The following UQCC2 variants were observed in gnomAD, a reference collection of about 807,000 sequenced individuals.
UQCC2 encodes the protein breast cancer-associated protein SGA-81M.
UQCC2 carries 21 observed loss-of-function variants against 19.9 expected under a neutral mutation model. The ratio of observed to expected loss-of-function variants is 1.05; its 90% CI spans 0.75 to 1.52. The LOEUF is 1.52. Ranked by LOEUF, UQCC2 falls within the 40% of genes most tolerant of loss-of-function variation. The pLI, the probability that UQCC2 is intolerant of heterozygous loss-of-function variation, is 0.00. For synonymous variants in UQCC2, 57 were observed against 60.9 expected, an observed-to-expected ratio of 0.94 and a Z score of 0.30; for missense variants, 135 against 157.5, an observed-to-expected ratio of 0.86 and a Z score of 0.76.
chr6:33,703,893 A>C (rs1373215141), intron 1 of UQCC2, among the ~76,000 whole-genome samples: 1 of 152,222 alleles, frequency 6.6e-6, no homozygotes, highest in African/African-American at 2.4e-5. Flanking sequence ...TAATCTATGG[A>C]AAAACAGGAT....
chr6:33,700,646 C>A (rs1014935158), intron 2 of UQCC2, 133 bp from the exon 3 acceptor site: 12 of 864,834 alleles, frequency 1.4e-5, no homozygotes, highest in Non-Finnish European at 2.1e-5. Context: ...AGCAGCGCCA[C>A]CTCGAGGTCA....
intron 1 of UQCC2, among the ~76,000 whole-genome samples, chr6:33,707,897 T>C (rs1174545225): frequency 6.6e-6 from 1 of 152,188 alleles, no homozygotes; most frequent in Non-Finnish European, 1.5e-5. Context: ...CACAATAGGA[T>C]ATGGGGTGTA....
At chr6:33,704,327 C>T (rs1168189725) in intron 1 of UQCC2, among the ~76,000 whole-genome samples, 1 of 152,138 alleles carries the variant, frequency 6.6e-6, no homozygotes, top group East Asian at 1.9e-4. Flanking sequence ...TGAGGATGGG[C>T]GCATGTACCG....
At position 33,711,416 on chromosome 6, in the gene UQCC2, AG is replaced by A. The variant is rs1765769227; in HGVS notation, c.138+132del. ...CTATCAGTAGCTCCCTGGGGGAAAA[AG>A]GGGGTCCGCGCTCACGTGCTGCCTG... On this transcript the variant is annotated intron_variant, in intron 1 of 3. Transcript: ENST00000607484. 5 of 1,301,940 alleles carry A rather than the reference AG, an allele frequency of 3.8e-6. No individual in the cohort carries two copies. In the African/African-American group the frequency reaches 6.1e-5, roughly 16 times the overall value. The allele number at this position is 1,301,940 out of a possible 1,614,324, so 80.6% of individuals were successfully genotyped here.
intron 1 of UQCC2, among the ~76,000 whole-genome samples, chr6:33,710,846 G>A (rs1480653350): frequency 1.3e-5 from 2 of 152,142 alleles, no homozygotes; most frequent in African/African-American, 2.4e-5. Context: ...GAGCTGCAGC[G>A]CCAACCTGGA....
At chr6:33,699,280 TC>T (rs1279992507) in intron 3 of UQCC2, among the ~76,000 whole-genome samples, 1 of 152,236 alleles carries the variant, frequency 6.6e-6, no homozygotes, top group African/African-American at 2.4e-5. Flanking sequence ...TCAGCAAATT[TC>T]CTGAACTAAA....
At chr6:33,707,040 T>C (rs1582183251) in intron 1 of UQCC2, among the ~76,000 whole-genome samples, 1 of 152,214 alleles carries the variant, frequency 6.6e-6, no homozygotes, top group South Asian at 2.1e-4. Flanking sequence ...CCAAACATCT[T>C]TGAATAAAGT....
intron 1 of UQCC2, among the ~76,000 whole-genome samples, chr6:33,710,009 C>T (rs1276190665): frequency 6.6e-6 from 1 of 152,200 alleles, no homozygotes; most frequent in Non-Finnish European, 1.5e-5. Flanking sequence ...TTCACCTATT[C>T]CTACCTCAGT....
intron 3 of UQCC2, among the ~76,000 whole-genome samples, chr6:33,699,472 G>C (rs978760900): frequency 3.9e-5 from 6 of 151,960 alleles, no homozygotes; most frequent in African/African-American, 1.5e-4. Context: ...AACTGTCCAG[G>C]GCCCTCACAA....
At chr6:33,699,444 A>T (rs1203471672) in intron 3 of UQCC2, among the ~76,000 whole-genome samples, 1 of 152,158 alleles carries the variant, frequency 6.6e-6, no homozygotes, top group Non-Finnish European at 1.5e-5. Flanking sequence ...CCCTCACTTC[A>T]AGTTCAAACT....
chr6:33,711,425 G>C lies in UQCC2; in HGVS notation c.138+124C>G, dbSNP rs373416501. 8.9e-5 allele frequency: 121 copies of C among 1,366,438 alleles called. 2 individuals are homozygous for C. In the South Asian group the frequency reaches 1.3e-3, roughly 14 times the overall value. The allele number at this position is 1,366,438 out of a possible 1,614,324, so 84.6% of individuals were successfully genotyped here. ...GCTCCCTGGGGGAAAAAGGGGGTCC[G>C]CGCTCACGTGCTGCCTGGAAAGAGG... On this transcript the variant is annotated intron_variant, in intron 1 of 3. Transcript: ENST00000607484.
At chr6:33,701,518 A>G in intron 1 of UQCC2, 98 bp from the exon 2 acceptor site, 3 of 1,230,274 alleles carry the variant, frequency 2.4e-6, no homozygotes, top group Non-Finnish European at 3.4e-6. Context: ...AAGCGTTCAC[A>G]TGAAGCAGGC....
At chr6:33,704,511 T>C (rs1272679849) in intron 1 of UQCC2, among the ~76,000 whole-genome samples, 3 of 152,200 alleles carry the variant, frequency 2.0e-5, no homozygotes, top group African/African-American at 4.8e-5. Flanking sequence ...CTGACCCTGG[T>C]GGCTCTCAGC....
chr6:33,709,556 T>C (rs548192741), intron 1 of UQCC2, among the ~76,000 whole-genome samples: 2 of 152,288 alleles, frequency 1.3e-5, no homozygotes, highest in Middle Eastern at 6.8e-3. Flanking sequence ...GTTTGTAGAA[T>C]TGGGACTAGA....
At position 33,705,308 on chromosome 6, in the gene UQCC2, G is replaced by A. The variant is rs903745786; in HGVS notation, c.139-3888C>T. Among the ~76,000 whole-genome samples, 60 of 152,060 alleles carry A rather than the reference G, an allele frequency of 3.9e-4. 1 individual carries two copies. Among genetic ancestry groups the A allele is most frequent in the Non-Finnish European group, 6.3e-4 (43 of 67,994 alleles). On this transcript the variant is annotated intron_variant, in intron 1 of 3. Coordinates refer to ENST00000607484, the MANE Select transcript of UQCC2 (RefSeq NM_032340.4). ...GGCCTCCCAAAGTGCTGGGATTACA[G>A]GCTTGAGCCACCGCACCCGACCACT...
intron 1 of UQCC2, 143 bp downstream of exon 1, chr6:33,711,406 T>TG: frequency 1.6e-6 from 2 of 1,243,876 alleles, no homozygotes; most frequent in South Asian, 1.6e-5. Flanking sequence ...AGTAGCTCCC[T>TG]GGGGGAAAAA....
In UQCC2 at chr6:33,697,318, G is replaced by A. The variant is rs1765574940; in HGVS notation, c.*335C>T. On this transcript the variant is annotated 3_prime_UTR_variant, in exon 4 of 4. Coordinates refer to ENST00000607484, the MANE Select transcript of UQCC2 (RefSeq NM_032340.4). The stretch of plus-strand genomic sequence containing the variant: ...AAAGGGAGCCTGAGTATCTTGCCAG[G>A]AGACACCAGACCCGTGCCAGAGGGG... The A allele has an allele frequency of 4.3e-6, 1 of 233,832 alleles. No homozygotes were observed. Among genetic ancestry groups the A allele is most frequent in the Admixed American group, 5.2e-5 (1 of 19,052 alleles). 14.5% of individuals were successfully genotyped at this position (233,832 alleles called of 1,614,324 possible). A position where few individuals can be genotyped will look rare whatever the true frequency, so the allele number is the denominator to read the frequency against.
intron 1 of UQCC2, among the ~76,000 whole-genome samples, chr6:33,704,779 T>C (rs1445540318): frequency 6.6e-6 from 1 of 152,130 alleles, no homozygotes; most frequent in East Asian, 1.9e-4. Flanking sequence ...TCAACTCAAG[T>C]TCCCTTCCTG....
intron 1 of UQCC2, among the ~76,000 whole-genome samples, chr6:33,701,937 G>A (rs983038377): frequency 6.6e-6 from 1 of 151,892 alleles, no homozygotes; most frequent in Non-Finnish European, 1.5e-5. Flanking sequence ...AGGCCTTCCT[G>A]GGGGAGGAGA....
Sources: gnomAD v4.1 joint callset for allele counts (sites outside exome capture counted in the v4.1 genomes callset) on GRCh38, gnomAD v4.1.1 for gene constraint, MANE v1.5 for transcripts, NCBI Gene and HGNC (gene_info 2026-07-23, HGNC 2026-07-21) for gene names.